The following ABLIM2 variants were observed in gnomAD, a reference collection of about 807,000 sequenced individuals.
ABLIM2 encodes the protein actin binding LIM protein family member 2.
In ABLIM2, 53 loss-of-function variants were observed where a neutral mutation model predicts 97.7. That is an observed-to-expected ratio of 0.54 (90% confidence interval 0.44 to 0.68). ABLIM2 has a LOEUF of 0.68. ABLIM2 is among the 30% of genes least tolerant of loss of function. The pLI is 0.00. For missense variants in ABLIM2, 835 were observed against 867.2 expected (o/e 0.96, Z 0.47); for synonymous variants, 361 against 345.8 (o/e 1.04, Z -0.49).
chr4:8,050,765 G>A (rs1356706525), intron 8 of ABLIM2, among the ~76,000 whole-genome samples: 1 of 152,108 alleles, frequency 6.6e-6, no homozygotes, highest in African/African-American at 2.4e-5. Flanking sequence ...CAAGGGGACC[G>A]AGATGTGTAT....
chr4:8,146,795 G>A (rs530122246), intron 1 of ABLIM2, among the ~76,000 whole-genome samples: 17 of 152,310 alleles, frequency 1.1e-4, no homozygotes, highest in African/African-American at 3.8e-4. Context: ...CTCCCAAAGC[G>A]CTGGGATTAC....
intron 1 of ABLIM2, among the ~76,000 whole-genome samples, chr4:8,137,258 C>G (rs1159911128): frequency 6.6e-6 from 1 of 152,238 alleles, no homozygotes; most frequent in Admixed American, 6.5e-5. Flanking sequence ...TAGGGGCTCA[C>G]TGGCTCAAGG....
chr4:7,987,483 TG>T (rs1389175645), intron 17 of ABLIM2, among the ~76,000 whole-genome samples: 1 of 143,124 alleles, frequency 7.0e-6, no homozygotes, highest in Non-Finnish European at 1.5e-5. Context: ...GCACCTGTTC[TG>T]GTCAGGGAAC....
In ABLIM2 at chr4:8,044,570, T is replaced by C. The variant is rs1315657278; in HGVS notation, c.900+594A>G. Among the ~76,000 whole-genome samples, 1 of 151,990 alleles carries C rather than the reference T, an allele frequency of 6.6e-6. No individual in the cohort carries two copies. Among genetic ancestry groups the C allele is most frequent in the African/African-American group, 2.4e-5 (1 of 41,360 alleles). On this transcript the variant is annotated intron_variant, in intron 9 of 20. Coordinates refer to ENST00000447017, the MANE Select transcript of ABLIM2 (RefSeq NM_001130083.2). This position sits in a 1 kb window ranked among gnomAD's most constrained non-coding sequence, Gnocchi z 4.4. ...CCCACCACCCAGAGGAAATTTCTGG[T>C]AACAACTTGTTAAAATGTTTTCAAT...
At chr4:7,980,835 C>T (rs1001506076) in intron 20 of ABLIM2, among the ~76,000 whole-genome samples, 3 of 151,748 alleles carry the variant, frequency 2.0e-5, no homozygotes, top group Non-Finnish European at 4.4e-5. Flanking sequence ...GAGTCTAGCA[C>T]CTTTTAAAAG....
chr4:8,158,626 C>T, intron 1 of ABLIM2, 54 bp downstream of exon 1: 2 of 1,503,116 alleles, frequency 1.3e-6, no homozygotes, highest in Admixed American at 2.1e-5. Flanking sequence ...CCAGCCCTTG[C>T]GGCGCCGCGA....
chr4:8,048,540 G>A (rs34504352), intron 8 of ABLIM2, among the ~76,000 whole-genome samples: 30,219 of 152,166 alleles, frequency 0.2, 3,633 homozygotes, highest in Non-Finnish European at 0.28. Context: ...CAGCTGGGAG[G>A]AGGCAGAGCA....
chr4:8,006,581 C>T (rs1761446184), intron 16 of ABLIM2, among the ~76,000 whole-genome samples: 1 of 152,218 alleles, frequency 6.6e-6, no homozygotes, highest in Non-Finnish European at 1.5e-5. Flanking sequence ...AAGAGGAGCT[C>T]TCCTCCTCTA....
Position 7,999,360 on chromosome 4 carries a change from GA to G in ABLIM2, c.1619-6434del, listed in dbSNP as rs1755543495. On this transcript the variant is annotated intron_variant, in intron 16 of 20. Transcript: ENST00000447017. This position sits in a 1 kb window ranked among gnomAD's most constrained non-coding sequence, Gnocchi z 4.4. ...GGCGTGAGCCACTGCGCCCGGCCAA[GA>G]ATCACTGGTTTAAAAAGTCCCTTTA... 6.6e-6 allele frequency among the ~76,000 whole-genome samples: 1 copy of G among 152,214 alleles called. No homozygotes were observed. The highest frequency in any genetic ancestry group is 2.1e-4 in the South Asian group (1 of 4,832).
chr4:7,967,772 G>A (rs939573015), intron 20 of ABLIM2, among the ~76,000 whole-genome samples: 1 of 152,238 alleles, frequency 6.6e-6, no homozygotes, highest in Non-Finnish European at 1.5e-5. Context: ...AGACCCTGGA[G>A]CCTCAGTCTG....
At chr4:7,987,506 A>G (rs1481768867) in intron 17 of ABLIM2, among the ~76,000 whole-genome samples, 3 of 152,192 alleles carry the variant, frequency 2.0e-5, no homozygotes, top group African/African-American at 7.2e-5. Flanking sequence ...CCCAGTATAA[A>G]GCAAGGCAAC....
intron 20 of ABLIM2, among the ~76,000 whole-genome samples, chr4:7,982,662 C>G (rs1739659201): frequency 6.6e-6 from 1 of 152,122 alleles, no homozygotes; most frequent in Non-Finnish European, 1.5e-5. Flanking sequence ...GCAGTTTACT[C>G]AACCTCAGTA....
rs371349850 is a variant in ABLIM2, at chr4:8,095,974, C to T, written c.338+1125G>A. ...ACTCCAAGGTACCTGTGCAGTTCGGCGCTCTTGCTCTGTGGTGCCCCTGCC... is the reference window on the plus strand; with the variant it reads ...ACTCCAAGGTACCTGTGCAGTTCGGTGCTCTTGCTCTGTGGTGCCCCTGCC... On this transcript the variant is annotated intron_variant, in intron 3 of 20. Coordinates refer to ENST00000447017, the MANE Select transcript of ABLIM2 (RefSeq NM_001130083.2). The surrounding 1 kb of genome is among the most constrained non-coding windows in gnomAD (Gnocchi z 4.7). 2.2e-4 allele frequency among the ~76,000 whole-genome samples: 34 copies of T among 152,280 alleles called. No homozygotes were observed. The highest frequency in any genetic ancestry group is 7.2e-4 in the African/African-American group (30 of 41,560).
At chr4:8,097,071 A>C in intron 3 of ABLIM2, 28 bp downstream of exon 3, 1 of 1,582,480 alleles carries the variant, frequency 6.3e-7, no homozygotes, top group South Asian at 1.1e-5. Context: ...AGGCAGGGGA[A>C]GCAGAGGCCA....
At chr4:8,106,768 G>C in intron 1 of ABLIM2, 131 bp from the exon 2 acceptor site, 1 of 1,144,176 alleles carries the variant, frequency 8.7e-7, no homozygotes. Context: ...GAGCCGCACG[G>C]GGCATCGGGG....
Position 8,058,359 on chromosome 4 carries a change from G to A in ABLIM2, c.763+2608C>T, listed in dbSNP as rs528250132. Among the ~76,000 whole-genome samples the A allele has an allele frequency of 2.6e-5, 4 of 152,242 alleles. No individual in the cohort carries two copies. The highest frequency in any genetic ancestry group is 3.9e-4 in the East Asian group (2 of 5,162). On this transcript the variant is annotated intron_variant, in intron 7 of 20. Coordinates refer to ENST00000447017, the MANE Select transcript of ABLIM2 (RefSeq NM_001130083.2). This position sits in a 1 kb window ranked among gnomAD's most constrained non-coding sequence, Gnocchi z 4.2. ...TGTCTGACATCACCCCGCTGGGTTC[G>A]GCCTGAGAAAGGCAGGCCTGTGTGA...
chr4:7,971,694 G>A (rs556262854), intron 20 of ABLIM2, among the ~76,000 whole-genome samples: 1 of 152,076 alleles, frequency 6.6e-6, no homozygotes, highest in South Asian at 2.1e-4. Flanking sequence ...CACTCCATCA[G>A]GGACAGGTTG....
chr4:8,142,600 C>T (rs1342736100), intron 1 of ABLIM2, among the ~76,000 whole-genome samples: 1 of 152,208 alleles, frequency 6.6e-6, no homozygotes, highest in African/African-American at 2.4e-5. Flanking sequence ...GCTGCATGGG[C>T]TCACTGGGGT....
intron 20 of ABLIM2, among the ~76,000 whole-genome samples, chr4:7,976,819 A>G (rs1001951358): frequency 3.3e-5 from 5 of 152,144 alleles, no homozygotes; most frequent in Non-Finnish European, 7.4e-5. Flanking sequence ...ATACACACAT[A>G]GACGCACATA....
Sources: gnomAD v4.1 joint callset for allele counts (sites outside exome capture counted in the v4.1 genomes callset) on GRCh38, gnomAD v4.1.1 for gene constraint, Gnocchi (gnomAD v3.1) non-coding constraint, MANE v1.5 for transcripts, NCBI Gene and HGNC (gene_info 2026-07-23, HGNC 2026-07-21) for gene names.